SOCS2: variants seen among roughly 807,000 people sequenced by gnomAD.
The protein encoded by SOCS2 is CIS-2.
Under a neutral mutation model 18.6 loss-of-function variants are expected in SOCS2, and 10 were observed. That is an observed-to-expected ratio of 0.54 (90% CI 0.33 to 0.91). The LOEUF (loss-of-function observed/expected upper bound fraction) is 0.91, where lower values mean the gene tolerates loss of function less well. Ranked by LOEUF, SOCS2 falls within the 40% of genes least tolerant of loss-of-function variation. The pLI is 0.02. For missense variants in SOCS2, 231 were observed against 247.2 expected (o/e 0.93, Z 0.44); for synonymous variants, 104 against 104.0 (o/e 1.00, Z 0.00).
the SOCS2 span, among the ~76,000 whole-genome samples, chr12:93,617,338 G>A: frequency 1.4e-4 from 21 of 152,192 alleles, no homozygotes; most frequent in African/African-American, 5.1e-4. Flanking sequence ...AAACTAGGGT[G>A]TGGGAGTAGT....
At chr12:93,577,730 T>C (rs915059067), downstream of SOCS2, among the ~76,000 whole-genome samples, 2 of 152,176 alleles carry the variant, frequency 1.3e-5, no homozygotes, top group African/African-American at 4.8e-5. Flanking sequence ...CAGTGGTTTT[T>C]TTCCCCTGAA....
chr12:93,573,208 G>A (rs1592825850), intron 1 of SOCS2, 172 bp downstream of exon 1: 1 of 842,926 alleles, frequency 1.2e-6, no homozygotes, highest in South Asian at 1.8e-5. Context: ...AATGCGTAAG[G>A]AAAGTGGTTC....
At chr12:93,581,416 T>C (rs1954537836), downstream of SOCS2, among the ~76,000 whole-genome samples, 1 of 144,150 alleles carries the variant, frequency 6.9e-6, no homozygotes, top group East Asian at 2.0e-4. Context: ...AAGGAATGAT[T>C]TTTTTTTTTT....
the SOCS2 span, among the ~76,000 whole-genome samples, chr12:93,611,963 G>A: frequency 6.6e-6 from 1 of 151,098 alleles, no homozygotes; most frequent in African/African-American, 2.4e-5. Context: ...TTTTTTGTTT[G>A]ATCAGCCCCC....
At chr12:93,585,578 G>A (rs1353816086), downstream of SOCS2, among the ~76,000 whole-genome samples, 3 of 152,144 alleles carry the variant, frequency 2.0e-5, no homozygotes, top group Non-Finnish European at 2.9e-5. Flanking sequence ...TATATATCCT[G>A]CTTCCTTCTT....
At chr12:93,578,685 C>T (rs919907671), downstream of SOCS2, among the ~76,000 whole-genome samples, 3 of 113,596 alleles carry the variant, frequency 2.6e-5, no homozygotes, top group Non-Finnish European at 5.6e-5. Flanking sequence ...CATGCTCGCA[C>T]ACACACACAC....
chr12:93,579,601 T>G (rs2136709960), downstream of SOCS2, among the ~76,000 whole-genome samples: 1 of 152,356 alleles, frequency 6.6e-6, no homozygotes, highest in African/African-American at 2.4e-5. Context: ...GTGAGAGTTT[T>G]GTTTCATTTC....
chr12:93,599,520 T>G, the SOCS2 span, among the ~76,000 whole-genome samples: 706 of 152,266 alleles, frequency 4.6e-3, 6 homozygotes, highest in African/African-American at 0.015. Flanking sequence ...CAATCCTTCG[T>G]TGGATTTTAA....
chr12:93,571,811 C>A, upstream of SOCS2: 1 of 412,212 alleles, frequency 2.4e-6, no homozygotes, highest in Non-Finnish European at 4.8e-6. Flanking sequence ...CCTCCTCTCC[C>A]GGGCCCCTCC....
upstream of SOCS2, chr12:93,572,668 C>G (rs1316490899): frequency 2.8e-6 from 2 of 717,358 alleles, no homozygotes; most frequent in Non-Finnish European, 2.5e-6. This position sits in a 1 kb window ranked among gnomAD's most constrained non-coding sequence, Gnocchi z 5.0. Flanking sequence ...ACCCAACCTC[C>G]CGCTTTCTCT....
the SOCS2 span, among the ~76,000 whole-genome samples, chr12:93,603,868 A>G: frequency 6.6e-6 from 1 of 152,172 alleles, no homozygotes; most frequent in African/African-American, 2.4e-5. Context: ...TTTAGCAGAA[A>G]AATCAAGTTC....
chr12:93,596,778 A>G, the SOCS2 span, among the ~76,000 whole-genome samples: 1 of 152,146 alleles, frequency 6.6e-6, no homozygotes, highest in Admixed American at 6.6e-5. Flanking sequence ...CAGTGAGCCA[A>G]GATTACACCA....
chr12:93,585,495 C>G (rs1446631171), downstream of SOCS2, among the ~76,000 whole-genome samples: 2 of 152,172 alleles, frequency 1.3e-5, no homozygotes, highest in South Asian at 2.1e-4. Context: ...CACAGTTCTC[C>G]CCTGTGCCAA....
the SOCS2 span, among the ~76,000 whole-genome samples, chr12:93,594,574 G>T: frequency 6.6e-6 from 1 of 152,070 alleles, no homozygotes; most frequent in Admixed American, 6.5e-5. Flanking sequence ...TCCAAATCAA[G>T]AAATCTCCAT....
Position 93,572,737 on chromosome 12 carries a change from A to T in SOCS2, c.-161A>T. ...GGGACTTTGTCATCCGTCCTCCAGG[A>T]TCTGGGGAGAAAGAGCCCCATCCCT... is the stretch of plus-strand genomic sequence containing the variant. On this transcript the variant is annotated 5_prime_UTR_variant, in exon 1 of 2. Coordinates refer to ENST00000551556, the MANE Select transcript of SOCS2 (RefSeq NM_001270471.2). This position sits in a 1 kb window ranked among gnomAD's most constrained non-coding sequence, Gnocchi z 5.0. The T allele has an allele frequency of 2.2e-6, 2 of 912,298 alleles. No individual in the cohort carries two copies. The highest frequency in any genetic ancestry group is 3.5e-6 in the Non-Finnish European group (2 of 576,222). 56.5% of individuals were successfully genotyped at this position (912,298 alleles called of 1,614,324 possible).
rs1203313152 is a variant in SOCS2, at chr12:93,574,756, C to T, written c.174C>T (p.Ala58=). Residue 58 remains alanine, a synonymous_variant, in exon 2 of 2, where the codon GCC becomes GCT. Coordinates refer to ENST00000551556, the MANE Select transcript of SOCS2 (RefSeq NM_001270471.2). ...WYWGSMTVNE[A]KEKLKEAPEG... is the part of the protein sequence containing the mutation. ...GGGGAAGTATGACTGTTAATGAAGC[C>T]AAAGAGAAATTAAAAGAGGCACCAG... The T allele has an allele frequency of 2.0e-5, 32 of 1,613,358 alleles. No homozygotes were observed. The highest frequency in any genetic ancestry group is 2.6e-5 in the Non-Finnish European group (31 of 1,179,808).
In SOCS2 at chr12:93,576,313, C is replaced by T. The variant is rs1954458439; in HGVS notation, c.*1134C>T. 3.3e-5 allele frequency: 5 copies of T among 152,514 alleles called. No individual in the cohort carries two copies. The South Asian group carries it at 1.0e-3, about 32-fold the overall frequency. 9.4% of individuals were successfully genotyped at this position (152,514 alleles called of 1,614,324 possible). Reference sequence around the variant, plus strand: ...GCCAATTATTCAACAAAAGGTAGAACATTACTTGCCATTCTGTAAAGTTAT... The same window carrying T: ...GCCAATTATTCAACAAAAGGTAGAATATTACTTGCCATTCTGTAAAGTTAT... On this transcript the variant is annotated 3_prime_UTR_variant, in exon 2 of 2. Coordinates refer to ENST00000551556, the MANE Select transcript of SOCS2 (RefSeq NM_001270471.2).
the SOCS2 span, among the ~76,000 whole-genome samples, chr12:93,604,964 ATT>A: frequency 2.1e-5 from 3 of 142,670 alleles, no homozygotes; most frequent in Non-Finnish European, 4.6e-5. Context: ...GCCGGCCTGG[ATT>A]TTTTTTTTTT....
At chr12:93,622,590 C>G in the SOCS2 span, among the ~76,000 whole-genome samples, 1 of 152,116 alleles carries the variant, frequency 6.6e-6, no homozygotes, top group African/African-American at 2.4e-5. Flanking sequence ...ACAAAAAAAC[C>G]CTAGCTGAGT....
Sources: allele counts gnomAD v4.1 joint callset (sites outside exome capture counted in the v4.1 genomes callset), GRCh38; gene constraint gnomAD v4.1.1; non-coding constraint Gnocchi (gnomAD v3.1); transcripts MANE v1.5; gene names NCBI Gene and HGNC (gene_info 2026-07-23, HGNC 2026-07-21).